The following LARS1 variants were observed in gnomAD, a reference collection of about 807,000 sequenced individuals.
LARS1 encodes the protein leucyl-tRNA synthetase 1.
Under a neutral mutation model 162.8 loss-of-function variants are expected in LARS1, and 100 were observed. The observed-to-expected ratio is 0.61, with a 90% confidence interval of 0.52 to 0.73. LARS1 has a LOEUF of 0.73. Among genes scored for constraint, LARS1 ranks in the 30% least tolerant of loss-of-function variants. The pLI, the probability that LARS1 is intolerant of heterozygous loss-of-function variation, is 0.00. For synonymous variants in LARS1, 457 were observed against 462.8 expected (o/e 0.99, Z 0.16); for missense variants, 1,258 against 1,408.9 (o/e 0.89, Z 1.71).
At chr5:146,152,722 GATCT>G (rs1370531575) in intron 13 of LARS1, among the ~76,000 whole-genome samples, 1 of 152,056 alleles carries the variant, frequency 6.6e-6, no homozygotes, top group Non-Finnish European at 1.5e-5. Flanking sequence ...AATTCCTCTG[GATCT>G]TTCATGAAAT....
At chr5:146,153,471 CAT>C (rs1482566512) in intron 12 of LARS1, among the ~76,000 whole-genome samples, 1 of 152,128 alleles carries the variant, frequency 6.6e-6, no homozygotes, top group Non-Finnish European at 1.5e-5. Context: ...CAAAAATGTA[CAT>C]AGACATACAC....
chr5:146,157,695 G>A (rs771335492), intron 9 of LARS1, 33 bp downstream of exon 9: 31 of 1,613,244 alleles, frequency 1.9e-5, no homozygotes, highest in Non-Finnish European at 2.1e-5. Flanking sequence ...TGATGGTTCA[G>A]AAATGATAAA....
At chr5:146,153,289 G>T in intron 12 of LARS1, 62 bp from the exon 13 acceptor site, 1 of 1,161,166 alleles carries the variant, frequency 8.6e-7, no homozygotes, top group South Asian at 1.3e-5. Context: ...ATCATTGAGA[G>T]AAGCAATCTC....
intron 1 of LARS1, 68 bp downstream of exon 1, chr5:146,182,420 T>C (rs199614852): frequency 3.8e-6 from 6 of 1,599,636 alleles, no homozygotes; most frequent in South Asian, 3.3e-5. Flanking sequence ...GGACAGCACA[T>C]GGAGAGCCCC....
At chr5:146,171,283 G>C (rs933527315) in intron 4 of LARS1, among the ~76,000 whole-genome samples, 6 of 151,912 alleles carry the variant, frequency 3.9e-5, no homozygotes, top group Admixed American at 3.9e-4. Flanking sequence ...CTTGAACCCA[G>C]GAGAAGGAGG....
At chr5:146,157,183 A>G (rs1038883808) in intron 10 of LARS1, among the ~76,000 whole-genome samples, 4 of 152,206 alleles carry the variant, frequency 2.6e-5, no homozygotes, top group Non-Finnish European at 5.9e-5. Flanking sequence ...TGGACATGAG[A>G]GAGCCTTCTG....
rs1300177546 is a variant in LARS1, at chr5:146,174,140, C to A, written c.126-1366G>T. On this transcript the variant is annotated intron_variant, in intron 2 of 31. Transcript: ENST00000394434. ...GACTATATTACAGCAATTTCTTTTT[C>A]TCTTAAAAAAAAAAAAAAAAAAAAA... Among the ~76,000 whole-genome samples the A allele has an allele frequency of 4.8e-4, 12 of 25,164 alleles. 1 individual carries two copies. The East Asian group carries it at 0.017, about 36-fold the overall frequency. The allele number at this position is 25,164 out of a possible 152,430, so 16.5% of individuals were successfully genotyped here.
chr5:146,145,100 T>C (rs1282695205), intron 15 of LARS1, among the ~76,000 whole-genome samples: 1 of 152,058 alleles, frequency 6.6e-6, no homozygotes. Flanking sequence ...TTTTGACAGA[T>C]AGGGTCTTGC....
intron 1 of LARS1, among the ~76,000 whole-genome samples, chr5:146,178,498 C>T (rs1754695534): frequency 6.6e-6 from 1 of 151,818 alleles, no homozygotes; most frequent in African/African-American, 2.4e-5. Flanking sequence ...TCTGTAATCC[C>T]AGCTACTTGG....
rs547002869 is a variant in LARS1, at chr5:146,128,341, T to C, written c.2880+331A>G. Among the ~76,000 whole-genome samples the C allele has an allele frequency of 1.2e-4, 19 of 152,272 alleles. 1 individual carries two copies. The East Asian group carries it at 3.1e-3, about 25-fold the overall frequency. The stretch of plus-strand genomic sequence containing the variant: ...AAATTTAATGAATGACTCCCACTGC[T>C]CAAGTTACAACAAATTCCAAAGGCA... On this transcript the variant is annotated intron_variant, in intron 27 of 31. Coordinates refer to ENST00000394434, the MANE Select transcript of LARS1 (RefSeq NM_020117.11).
chr5:146,123,945 A>G (rs375551504), intron 29 of LARS1, 37 bp downstream of exon 29: 57 of 1,053,814 alleles, frequency 5.4e-5, no homozygotes, highest in Non-Finnish European at 6.9e-5. Context: ...TGGTTTAACT[A>G]CAGTTAACTG....
chr5:146,132,544 T>A (rs1467254479), intron 23 of LARS1: 1 of 170,676 alleles, frequency 5.9e-6, no homozygotes, highest in African/African-American at 2.4e-5. Context: ...GTAAAATGGT[T>A]ATGAGAACAG....
intron 30 of LARS1, among the ~76,000 whole-genome samples, chr5:146,121,222 G>T (rs987957576): frequency 6.6e-6 from 1 of 151,942 alleles, no homozygotes; most frequent in Admixed American, 6.6e-5. Flanking sequence ...CCATAATCAC[G>T]ATTTCCTTAT....
At chr5:146,180,645 C>T (rs553501472) in intron 1 of LARS1, among the ~76,000 whole-genome samples, 16 of 152,212 alleles carry the variant, frequency 1.1e-4, no homozygotes, top group African/African-American at 3.8e-4. Flanking sequence ...TGCAAGAAAG[C>T]TTTTATTTGA....
chr5:146,157,584 C>T lies in LARS1; in HGVS notation c.884G>A (p.Arg295Lys). ...TGTCTGCCCAAACATGGTCTCAGGT[C>T]TGAGAGTAGCAGCCACCAAGAAAAT... ...KNIFLVAATL[R>K]PETMFGQTNC... The change falls in exon 10 of 32, where the codon AGA (arginine) becomes AAA (lysine). Residue 295 changes from arginine to lysine, a missense_variant. Coordinates refer to ENST00000394434, the MANE Select transcript of LARS1 (RefSeq NM_020117.11). 2 of 1,614,014 alleles carry T rather than the reference C, an allele frequency of 1.2e-6. No homozygotes were observed.
At chr5:146,132,549 G>A (rs1190923916) in intron 23 of LARS1, 5 of 173,374 alleles carry the variant, frequency 2.9e-5, no homozygotes, top group African/African-American at 1.2e-4. Context: ...ATGGTTATGA[G>A]AACAGACTTT....
chr5:146,126,188 A>T (rs1465647349), intron 28 of LARS1, among the ~76,000 whole-genome samples: 1 of 152,068 alleles, frequency 6.6e-6, no homozygotes, highest in Non-Finnish European at 1.5e-5. Flanking sequence ...AAGGTAGAAT[A>T]TGAAGGGAAT....
chr5:146,136,089 G>A (rs1476322531), intron 21 of LARS1, among the ~76,000 whole-genome samples: 1 of 152,224 alleles, frequency 6.6e-6, no homozygotes, highest in Non-Finnish European at 1.5e-5. Context: ...TATCATTAGG[G>A]TCACAAAAAT....
intron 22 of LARS1, among the ~76,000 whole-genome samples, chr5:146,133,415 T>C (rs1027298020): frequency 1.3e-5 from 2 of 152,332 alleles, no homozygotes; most frequent in African/African-American, 4.8e-5. Flanking sequence ...CCTTTCATTG[T>C]GGTTTTCTTA....
Sources: allele counts gnomAD v4.1 joint callset (sites outside exome capture counted in the v4.1 genomes callset), GRCh38; gene constraint gnomAD v4.1.1; transcripts MANE v1.5; gene names NCBI Gene and HGNC (gene_info 2026-07-23, HGNC 2026-07-21).